The following GRID2 variants were observed in gnomAD, a reference collection of about 807,000 sequenced individuals.
GRID2 encodes the protein glutamate receptor ionotropic, delta-2.
A neutral mutation model predicts 114.8 loss-of-function variants in GRID2; 33 were observed. The observed-to-expected ratio is 0.29, with a 90% CI of 0.22 to 0.38. The LOEUF (loss-of-function observed/expected upper bound fraction) is 0.38, where lower values mean the gene tolerates loss of function less well. Among genes scored for constraint, GRID2 ranks in the 10% least tolerant of loss-of-function variants. GRID2 has a pLI of 1.00. For missense variants in GRID2, 1,184 were observed against 1,257.7 expected (o/e 0.94, Z 0.89); for synonymous variants, 505 against 449.9 (o/e 1.12, Z -1.55).
chr4:92,355,345 T>A (rs1247379768), intron 1 of GRID2, among the ~76,000 whole-genome samples: 5 of 151,908 alleles, frequency 3.3e-5, no homozygotes, highest in Non-Finnish European at 7.4e-5. Flanking sequence ...TACATAGGCA[T>A]GCAAAATTTT....
chr4:92,731,763 C>T (rs1736338831), intron 2 of GRID2, among the ~76,000 whole-genome samples: 1 of 151,726 alleles, frequency 6.6e-6, no homozygotes, highest in Non-Finnish European at 1.5e-5. Context: ...ATGTCAATAC[C>T]TAGGAGACAA....
At chr4:93,379,702 C>T (rs1372696938) in intron 8 of GRID2, among the ~76,000 whole-genome samples, 1 of 152,054 alleles carries the variant, frequency 6.6e-6, no homozygotes, top group Admixed American at 6.6e-5. Flanking sequence ...ATTCAGCCAT[C>T]ACAAAGCTCA....
At chr4:92,437,504 A>C (rs543674235) in intron 1 of GRID2, among the ~76,000 whole-genome samples, 1 of 152,290 alleles carries the variant, frequency 6.6e-6, no homozygotes, top group African/African-American at 2.4e-5. Flanking sequence ...CCTGGCCTCA[A>C]GTGATCTGCC....
chr4:92,315,625 A>G (rs1253969955), intron 1 of GRID2, among the ~76,000 whole-genome samples: 2 of 152,150 alleles, frequency 1.3e-5, no homozygotes, highest in Non-Finnish European at 2.9e-5. Flanking sequence ...TTGACTTAGT[A>G]TCTTAAAATC....
intron 1 of GRID2, among the ~76,000 whole-genome samples, chr4:92,328,078 A>C (rs1726689038): frequency 6.6e-6 from 1 of 151,938 alleles, no homozygotes; most frequent in Non-Finnish European, 1.5e-5. Flanking sequence ...GGGCTATATA[A>C]GATAGAGACA....
intron 1 of GRID2, among the ~76,000 whole-genome samples, chr4:92,504,425 A>C (rs1723846580): frequency 1.3e-5 from 2 of 152,092 alleles, no homozygotes; most frequent in African/African-American, 4.8e-5. Context: ...ACAGCTGTAG[A>C]AAAAATGATC....
At chr4:93,631,463 G>A (rs1253255457) in intron 14 of GRID2, among the ~76,000 whole-genome samples, 1 of 152,136 alleles carries the variant, frequency 6.6e-6, no homozygotes, top group East Asian at 1.9e-4. Flanking sequence ...AGAACATGCG[G>A]TGTTTGGTTT....
At chr4:92,732,992 G>C (rs1579934639) in intron 2 of GRID2, among the ~76,000 whole-genome samples, 1 of 152,128 alleles carries the variant, frequency 6.6e-6, no homozygotes, top group Non-Finnish European at 1.5e-5. Flanking sequence ...ATATGTATGA[G>C]ATTGGTTTTA....
intron 2 of GRID2, among the ~76,000 whole-genome samples, chr4:93,070,475 G>A (rs749441592): frequency 1.2e-4 from 18 of 152,024 alleles, no homozygotes; most frequent in Non-Finnish European, 2.5e-4. Flanking sequence ...TATGCTAAGT[G>A]AAATGTGATT....
intron 8 of GRID2, among the ~76,000 whole-genome samples, chr4:93,273,142 T>C (rs1751668435): frequency 6.6e-6 from 1 of 152,230 alleles, no homozygotes; most frequent in Non-Finnish European, 1.5e-5. Context: ...TGTTCATTTT[T>C]CTCACTAGAC....
At chr4:92,654,762 T>A (rs1579777137) in intron 2 of GRID2, among the ~76,000 whole-genome samples, 1 of 151,510 alleles carries the variant, frequency 6.6e-6, no homozygotes, top group Non-Finnish European at 1.5e-5. Context: ...TAAAAAAAAA[T>A]TGTTGAAGTG....
chr4:92,777,842 C>A (rs1228515156), intron 2 of GRID2, among the ~76,000 whole-genome samples: 5 of 151,840 alleles, frequency 3.3e-5, no homozygotes, highest in Admixed American at 6.6e-5. Flanking sequence ...TGACTTTGGA[C>A]TTTCAGATTC....
chr4:92,317,211 T>A (rs546064831), intron 1 of GRID2, among the ~76,000 whole-genome samples: 1 of 152,320 alleles, frequency 6.6e-6, no homozygotes, highest in East Asian at 1.9e-4. Context: ...GCTGTATGTA[T>A]AAAACATCAG....
intron 2 of GRID2, among the ~76,000 whole-genome samples, chr4:93,076,122 C>G (rs1729270686): frequency 6.6e-6 from 1 of 151,758 alleles, no homozygotes; most frequent in African/African-American, 2.4e-5. Flanking sequence ...AGGATGGTCT[C>G]GATCTGACCT....
intron 2 of GRID2, among the ~76,000 whole-genome samples, chr4:92,765,433 A>G (rs1738211883): frequency 6.6e-6 from 1 of 152,186 alleles, no homozygotes. Flanking sequence ...ATGCATTTGG[A>G]AGCTGTCGTT....
Position 93,643,920 on chromosome 4 carries a change from C to T in GRID2, c.2360+17485C>T, listed in dbSNP as rs1398463736. Among the ~76,000 whole-genome samples, 3 of 103,202 alleles carry T rather than the reference C, an allele frequency of 2.9e-5. 1 individual carries two copies. The highest frequency in any genetic ancestry group is 2.1e-4 in the East Asian group (1 of 4,676). The allele number at this position is 103,202 out of a possible 152,430, so 67.7% of individuals were successfully genotyped here. ...GGCGCCCCTCCCCCAGCCTAGTTGC[C>T]GCCTTGCAGTTTGATCTCAGACTGC... On this transcript the variant is annotated intron_variant, in intron 14 of 15. Coordinates refer to ENST00000282020, the MANE Select transcript of GRID2 (RefSeq NM_001510.4).
chr4:93,683,586 T>C (rs1210530084), intron 14 of GRID2, among the ~76,000 whole-genome samples: 1 of 152,106 alleles, frequency 6.6e-6, no homozygotes, highest in Non-Finnish European at 1.5e-5. Context: ...TTTGTTTAGC[T>C]AAACAATTGA....
chr4:92,606,321 T>A (rs985808068), intron 2 of GRID2, among the ~76,000 whole-genome samples: 3 of 151,714 alleles, frequency 2.0e-5, no homozygotes, highest in African/African-American at 7.2e-5. Context: ...TAGTTACTAT[T>A]CTTATTAGCG....
At chr4:92,334,427 T>C (rs559948429) in intron 1 of GRID2, among the ~76,000 whole-genome samples, 2 of 152,178 alleles carry the variant, frequency 1.3e-5, no homozygotes, top group African/African-American at 4.8e-5. Context: ...GTATTTGTTA[T>C]TGCAAGAACA....
Sources: gnomAD v4.1 joint callset for allele counts (sites outside exome capture counted in the v4.1 genomes callset) on GRCh38, gnomAD v4.1.1 for gene constraint, MANE v1.5 for transcripts, NCBI Gene and HGNC (gene_info 2026-07-23, HGNC 2026-07-21) for gene names.